Variants in RPL29 observed in about 807,000 individuals in gnomAD.
The protein encoded by RPL29 is ribosomal protein L29.
In RPL29, 4 loss-of-function variants were observed where a neutral mutation model predicts 7.2. The ratio of observed to expected loss-of-function variants is 0.55; its 90% CI spans 0.27 to 1.26. RPL29 has a LOEUF of 1.26. Among genes scored for constraint, RPL29 ranks in the 50% most tolerant of loss-of-function variants. RPL29 has a pLI of 0.11. For missense variants in RPL29, 148 were observed against 209.1 expected (o/e 0.71, Z 1.80); for synonymous variants, 73 against 72.8 (o/e 1.00, Z -0.01).
At chr3:51,994,580 G>A (rs921757032) in intron 3 of RPL29, 17 of 415,642 alleles carry the variant, frequency 4.1e-5, no homozygotes, top group Non-Finnish European at 7.0e-5. Flanking sequence ...GAGAGCAAAA[G>A]TAAAGGGAAG....
chr3:51,994,791 G>T, intron 3 of RPL29: 1 of 701,374 alleles, frequency 1.4e-6, no homozygotes, highest in Non-Finnish European at 2.6e-6. Flanking sequence ...CCACTGCCAA[G>T]CAAGGGAGAT....
rs1253501984 is a variant in RPL29 at position 51,993,668 on chromosome 3, C to T, written c.*81G>A. On this transcript the variant is annotated 3_prime_UTR_variant, in exon 4 of 4. Transcript: ENST00000294189. ...ATTTGTACAAATAGCACAGGAGGAC[C>T]CCAGCCCCATGCAGATGGTAGCCCA... 3 of 1,379,450 alleles carry T rather than the reference C, an allele frequency of 2.2e-6. No homozygotes were observed. Among genetic ancestry groups the T allele is most frequent in the African/African-American group, 2.9e-5 (2 of 69,474 alleles). The allele number at this position is 1,379,450 out of a possible 1,614,324, so 85.5% of individuals were successfully genotyped here.
chr3:51,994,715 T>A, intron 3 of RPL29: 1 of 645,726 alleles, frequency 1.5e-6, no homozygotes, highest in Non-Finnish European at 2.8e-6. Context: ...ATGGAGGTCA[T>A]AAGGCTGGTC....
At chr3:51,994,966 G>GA (rs1559785244) in intron 3 of RPL29, 76 bp downstream of exon 3, 2 of 1,348,518 alleles carry the variant, frequency 1.5e-6, no homozygotes, top group African/African-American at 2.9e-5. Context: ...CAAAGCTAGA[G>GA]AAAAACTACA....
In RPL29 at chr3:51,994,208, C is replaced by A. The variant is rs1489461292; in HGVS notation, c.103-82G>T. On this transcript the variant is annotated intron_variant, in intron 3 of 3. Transcript: ENST00000294189. ...TGCCCCTCTCCATAGGGGTACCCAG[C>A]ATTCTAAAGACAGCATCAAGTCAAC... The A allele has an allele frequency of 2.7e-6, 4 of 1,474,896 alleles. No homozygotes were observed. The African/African-American group carries it at 5.6e-5, about 21-fold the overall frequency. The allele number at this position is 1,474,896 out of a possible 1,614,324, so 91.4% of individuals were successfully genotyped here. A position where few individuals can be genotyped will look rare whatever the true frequency, so the allele number is the denominator to read the frequency against.
chr3:51,995,553 TGCAG>T (rs1372327816), intron 1 of RPL29, 84 bp from the exon 2 acceptor site: 3 of 1,335,018 alleles, frequency 2.2e-6, no homozygotes, highest in Admixed American at 1.7e-5. Flanking sequence ...AGAATGAGCC[TGCAG>T]GCAGAGAATG....
chr3:51,995,274 A>C (rs1010598904), intron 2 of RPL29, 151 bp downstream of exon 2: 1 of 999,266 alleles, frequency 1.0e-6, no homozygotes, highest in Non-Finnish European at 1.5e-6. Context: ...TCTCAAGTAG[A>C]TCTCTAAACC....
intron 1 of RPL29, 66 bp from the exon 2 acceptor site, chr3:51,995,535 T>A: frequency 6.7e-7 from 1 of 1,489,232 alleles, no homozygotes; most frequent in African/African-American, 1.4e-5. Context: ...GCCCCCCCCA[T>A]TCTGGTCAGA....
intron 1 of RPL29, 118 bp from the exon 2 acceptor site, chr3:51,995,587 G>T: frequency 1.0e-6 from 1 of 975,766 alleles, no homozygotes; most frequent in Non-Finnish European, 1.6e-6. Context: ...CACGAGTCTC[G>T]GCTTACTCTG....
rs1484725310 is a variant in RPL29 at position 51,995,067 on chromosome 3, G to A, written c.77C>T (p.Ser26Leu). 1.9e-6 allele frequency: 3 copies of A among 1,612,238 alleles called. No individual in the cohort carries two copies. Among genetic ancestry groups the A allele is most frequent in the Non-Finnish European group, 2.5e-6 (3 of 1,179,448 alleles). ...WHRNGIKKPR[S>L]QRYESLKGVD... ...CCCCTTAAGAGATTCGTATCTTTGT[G>A]ATCGGGGTTTCTTGATACCATTTCT... is the stretch of plus-strand genomic sequence containing the variant. Residue 26 changes from serine (S) to leucine (L), a missense_variant, in exon 3 of 4, where the codon TCA becomes TTA. Coordinates refer to ENST00000294189, the MANE Select transcript of RPL29 (RefSeq NM_000992.3).
intron 3 of RPL29, chr3:51,994,691 C>T: frequency 1.6e-6 from 1 of 609,244 alleles, no homozygotes; most frequent in South Asian, 1.9e-5. Context: ...ACCCCAACTC[C>T]AGCACTGGGT....
In RPL29 at chr3:51,994,064, C is replaced by T; in HGVS notation, c.165G>A (p.Lys55=). The T allele has an allele frequency of 6.2e-7, 1 of 1,602,582 alleles. No homozygotes were observed. The highest frequency in any genetic ancestry group is 8.5e-7 in the Non-Finnish European group (1 of 1,178,474). Residue 55 remains lysine (K), a synonymous_variant, in exon 4 of 4, where the codon AAG becomes AAA. Transcript: ENST00000294189. The part of the protein sequence containing the change: ...FAKKHNKKGL[K]KMQANNAKAM... ...CCTTGGCATTGTTGGCCTGCATCTT[C>T]TTTAGGCCCTTTTTGTTGTGCTTCT...
rs572216708 is a variant in RPL29, at chr3:51,993,573, C to T, written c.*176G>A. 2.4e-5 allele frequency: 16 copies of T among 674,244 alleles called. No homozygotes were observed. The Admixed American group carries it at 3.2e-4, about 14-fold the overall frequency. The allele number at this position is 674,244 out of a possible 1,614,324, so 41.8% of individuals were successfully genotyped here. On this transcript the variant is annotated 3_prime_UTR_variant, in exon 4 of 4. Coordinates refer to ENST00000294189, the MANE Select transcript of RPL29 (RefSeq NM_000992.3). ...ATCCAGACCCATGTCTTCTCCCACA[C>T]CAACAGATGGAGCAACCAAACCCAT...
chr3:51,994,682 C>A (rs1701292166), intron 3 of RPL29: 2 of 599,072 alleles, frequency 3.3e-6, no homozygotes, highest in Non-Finnish European at 6.0e-6. Context: ...GAGAAGCTGA[C>A]CCCAACTCCA....
At chr3:51,994,367 G>A in intron 3 of RPL29, 1 of 504,568 alleles carries the variant, frequency 2.0e-6, no homozygotes, top group South Asian at 3.2e-5. Context: ...CTGCTTTGCT[G>A]CCCTGTCTGC....
Position 51,995,085 on chromosome 3 carries a change from C to A in RPL29, c.59G>T (p.Gly20Val), listed in dbSNP as rs766255228. The change falls in exon 3 of 4, where the codon GGT (glycine) becomes GTT (valine). Residue 20 changes from glycine to valine, a missense_variant. Physicochemically the swap from Gly to Val is moderately radical, Grantham distance 109. Transcript: ENST00000294189. ...TCTTTGTGATCGGGGTTTCTTGATA[C>A]CATTTCTGTGCCATTTTCGGGCTGT... is the stretch of plus-strand genomic sequence containing the variant. ...HNQSRKWHRN[G>V]IKKPRSQRYE... 6.2e-7 allele frequency: 1 copy of A among 1,608,934 alleles called. No individual in the cohort carries two copies. The highest frequency in any genetic ancestry group is 1.3e-5 in the African/African-American group (1 of 74,890).
rs1280686538 is a variant in RPL29, at chr3:51,995,363, CCA to C, written c.37+60_37+61del. The C allele has an allele frequency of 1.9e-6, 3 of 1,565,722 alleles. No individual in the cohort carries two copies. In the African/African-American group the frequency reaches 4.1e-5, roughly 21 times the overall value. Reference sequence around the variant, plus strand: ...GGAAACGTGCCCCTTCATCTCTGTCCCAGTTTGCCTGAACCAGTCCTTGCCAG... The same window carrying C: ...GGAAACGTGCCCCTTCATCTCTGTCCGTTTGCCTGAACCAGTCCTTGCCAG... On this transcript the variant is annotated intron_variant, in intron 2 of 3. Coordinates refer to ENST00000294189, the MANE Select transcript of RPL29 (RefSeq NM_000992.3).
At chr3:51,994,185 C>G (rs1164949120) in intron 3 of RPL29, 59 bp from the exon 4 acceptor site, 8 of 1,533,236 alleles carry the variant, frequency 5.2e-6, no homozygotes, top group Non-Finnish European at 7.0e-6. Flanking sequence ...CTCCCTGCTG[C>G]CCCTCTCCAT....
intron 3 of RPL29, 57 bp downstream of exon 3, chr3:51,994,985 C>T: frequency 6.8e-7 from 1 of 1,479,900 alleles, no homozygotes; most frequent in South Asian, 1.1e-5. Flanking sequence ...CATGAGAGGC[C>T]TTGACTGTGC....
Sources: allele counts gnomAD v4.1 joint callset, GRCh38; gene constraint gnomAD v4.1.1; transcripts MANE v1.5; gene names NCBI Gene and HGNC (gene_info 2026-07-23, HGNC 2026-07-21).